Variants in ATP2B1 observed in about 807,000 individuals in gnomAD.
ATP2B1 encodes the protein plasma membrane calcium-transporting ATPase 1.
Under a neutral mutation model 124.2 loss-of-function variants are expected in ATP2B1, and 14 were observed. The observed-to-expected ratio is 0.11, with a 90% CI of 0.07 to 0.18. The LOEUF is 0.18. Ranked by LOEUF, ATP2B1 falls within the 10% of genes least tolerant of loss-of-function variation. The probability of loss-of-function intolerance (pLI) is 1.00; values close to 1 mark genes in which losing one functional copy is unlikely to be tolerated. For synonymous variants in ATP2B1, 449 were observed against 492.4 expected (o/e 0.91, Z 1.17); for missense variants, 763 against 1,466.1 (o/e 0.52, Z 7.83).
intron 1 of ATP2B1, among the ~76,000 whole-genome samples, chr12:89,692,282 A>G (rs1177324326): frequency 6.6e-6 from 1 of 152,224 alleles, no homozygotes; most frequent in Non-Finnish European, 1.5e-5. Flanking sequence ...TCTATATTGA[A>G]GAAAGTGAAC....
At chr12:89,658,598 G>GGA (rs67298800) in intron 1 of ATP2B1, among the ~76,000 whole-genome samples, 5,827 of 69,420 alleles carry the variant, frequency 0.084, 491 homozygotes, top group Admixed American at 0.13. Flanking sequence ...AATTCAAACA[G>GGA]GAGAGAGAGA....
At chr12:89,625,180 C>T (rs866407483) in intron 8 of ATP2B1, among the ~76,000 whole-genome samples, 34 of 151,944 alleles carry the variant, frequency 2.2e-4, no homozygotes, top group Non-Finnish European at 5.9e-5. Context: ...GCAGGAGAAT[C>T]GCCTGAACCC....
chr12:89,615,472 GTCT>G (rs1214959647), intron 12 of ATP2B1, among the ~76,000 whole-genome samples: 2 of 152,028 alleles, frequency 1.3e-5, no homozygotes, highest in Admixed American at 6.6e-5. Context: ...CTACTTAGCT[GTCT>G]TCTTCCTCTA....
intron 20 of ATP2B1, among the ~76,000 whole-genome samples, chr12:89,597,799 T>C (rs1874923646): frequency 6.6e-6 from 1 of 152,122 alleles, no homozygotes; most frequent in Non-Finnish European, 1.5e-5. Flanking sequence ...ACTAAAAACC[T>C]GAAAGAAAAT....
intron 1 of ATP2B1, among the ~76,000 whole-genome samples, chr12:89,707,728 C>T (rs578126797): frequency 6.6e-6 from 1 of 152,288 alleles, no homozygotes; most frequent in African/African-American, 2.4e-5. Flanking sequence ...GCTGCGAGTC[C>T]CGCAGAAAAC....
chr12:89,669,304 C>T (rs923180730), intron 1 of ATP2B1, among the ~76,000 whole-genome samples: 8 of 152,152 alleles, frequency 5.3e-5, no homozygotes, highest in East Asian at 3.9e-4. Flanking sequence ...AACTGCAGAA[C>T]GTGGCAATGA....
intron 9 of ATP2B1, 143 bp from the exon 10 acceptor site, chr12:89,621,934 T>C: frequency 1.1e-6 from 1 of 890,740 alleles, no homozygotes; most frequent in Non-Finnish European, 1.5e-6. Context: ...AATGTAATAC[T>C]GAAATTTTTT....
intron 15 of ATP2B1, among the ~76,000 whole-genome samples, chr12:89,607,931 T>C (rs17017102): frequency 1.2e-3 from 182 of 152,178 alleles, no homozygotes; most frequent in African/African-American, 4.1e-3. Context: ...ACTTTATCTA[T>C]AGATCAACAA....
intron 9 of ATP2B1, 60 bp from the exon 10 acceptor site, chr12:89,621,851 C>T: frequency 1.5e-6 from 2 of 1,364,862 alleles, no homozygotes; most frequent in Non-Finnish European, 1.9e-6. Flanking sequence ...CACCTCATTA[C>T]ATTAAAATGA....
intron 20 of ATP2B1, among the ~76,000 whole-genome samples, chr12:89,592,562 T>C (rs1039764290): frequency 1.6e-4 from 25 of 152,146 alleles, no homozygotes; most frequent in Admixed American, 9.8e-4. Flanking sequence ...TTTTAGTCCA[T>C]ATTCACTTAG....
chr12:89,663,542 T>G (rs1886947530), intron 1 of ATP2B1, among the ~76,000 whole-genome samples: 1 of 152,030 alleles, frequency 6.6e-6, no homozygotes, highest in Admixed American at 6.5e-5. Context: ...TAATAATGAA[T>G]ACAATCTTAC....
At chr12:89,673,123 T>C (rs1888192804) in intron 1 of ATP2B1, among the ~76,000 whole-genome samples, 1 of 152,240 alleles carries the variant, frequency 6.6e-6, no homozygotes, top group Admixed American at 6.5e-5. Flanking sequence ...ACTGGTGAGC[T>C]GGAGAAGCTA....
At chr12:89,595,654 T>C (rs977332570) in intron 20 of ATP2B1, among the ~76,000 whole-genome samples, 1 of 152,106 alleles carries the variant, frequency 6.6e-6, no homozygotes, top group African/African-American at 2.4e-5. Flanking sequence ...AAATGAAATC[T>C]TTCATTAAAT....
chr12:89,666,007 CT>C (rs770777447), intron 1 of ATP2B1, among the ~76,000 whole-genome samples: 2 of 152,184 alleles, frequency 1.3e-5, no homozygotes, highest in African/African-American at 2.4e-5. Flanking sequence ...GAATAGAGAA[CT>C]AAGGGAAGAA....
Position 89,591,021 on chromosome 12 carries a change from G to A in ATP2B1, c.3626C>T (p.Pro1209Leu), listed in dbSNP as rs755957995. ...TTCCAAACTATGTAGTGGGCTTCCTGGGGATGAAGAGGTAGCAGACTTGTT... is the reference window on the plus strand; with the variant it reads ...TTCCAAACTATGTAGTGGGCTTCCTAGGGATGAAGAGGTAGCAGACTTGTT... ...EMNKSATSSS[P>L]GSPLHSLETS... is the part of the protein sequence containing the mutation. Residue 1209 changes from proline to leucine, a missense_variant, in exon 21 of 21, where the codon CCA (proline) becomes CTA (leucine). This residue lies in a region of ATP2B1 where 97 missense variants were observed against 94.7 expected (regional missense o/e 1.02). Coordinates refer to ENST00000428670, the MANE Select transcript of ATP2B1 (RefSeq NM_001366521.1). 5 of 1,612,828 alleles carry A rather than the reference G, an allele frequency of 3.1e-6. No individual in the cohort carries two copies. Among genetic ancestry groups the A allele is most frequent in the African/African-American group, 2.7e-5 (2 of 74,808 alleles).
At chr12:89,702,243 T>G (rs1891939455) in intron 1 of ATP2B1, among the ~76,000 whole-genome samples, 1 of 152,220 alleles carries the variant, frequency 6.6e-6, no homozygotes, top group Non-Finnish European at 1.5e-5. Flanking sequence ...ATTAATATTT[T>G]TTGGAACCAG....
intron 1 of ATP2B1, among the ~76,000 whole-genome samples, chr12:89,697,477 GATT>G (rs1482641930): frequency 6.6e-6 from 1 of 152,020 alleles, no homozygotes; most frequent in Non-Finnish European, 1.5e-5. Flanking sequence ...TGTAAAAATG[GATT>G]ATTTTACCCA....
intron 2 of ATP2B1, among the ~76,000 whole-genome samples, chr12:89,642,920 T>C (rs1883787874): frequency 6.6e-6 from 1 of 152,066 alleles, no homozygotes; most frequent in Admixed American, 6.6e-5. Context: ...TGCTTATTTC[T>C]GATCGTACTA....
At chr12:89,653,329 G>A (rs1440734447) in intron 2 of ATP2B1, among the ~76,000 whole-genome samples, 6 of 113,522 alleles carry the variant, frequency 5.3e-5, no homozygotes, top group South Asian at 2.9e-4. Context: ...TCGCTCTGTC[G>A]CCCAGGCCGG....
Sources: gnomAD v4.1 joint callset for allele counts (sites outside exome capture counted in the v4.1 genomes callset) on GRCh38, gnomAD v4.1.1 for gene constraint, gnomAD v4.1.1 regional missense constraint, MANE v1.5 for transcripts, NCBI Gene and HGNC (gene_info 2026-07-23, HGNC 2026-07-21) for gene names.